Variants in SEZ6L observed in about 807,000 individuals in gnomAD.
The protein encoded by SEZ6L is seizure related 6 homolog like, also known as seizure 6-like protein.
SEZ6L carries 37 observed loss-of-function variants against 106.2 expected under a neutral mutation model. That is an observed-to-expected ratio of 0.35 (90% CI 0.27 to 0.46). SEZ6L has a LOEUF of 0.46. Ranked by LOEUF, SEZ6L falls within the 20% of genes least tolerant of loss-of-function variation. The pLI is 1.00. For synonymous variants in SEZ6L, 541 were observed against 570.4 expected (o/e 0.95, Z 0.73); for missense variants, 1,172 against 1,332.8 (o/e 0.88, Z 1.88).
At chr22:26,335,641 T>G (rs2082621891) in intron 9 of SEZ6L, among the ~76,000 whole-genome samples, 1 of 152,206 alleles carries the variant, frequency 6.6e-6, no homozygotes, top group African/African-American at 2.4e-5. Context: ...TAAGGAGACC[T>G]ATAGTTGGCT....
Position 26,361,343 on chromosome 22 carries a change from C to A in SEZ6L, c.2600-4029C>A, listed in dbSNP as rs10689163. On this transcript the variant is annotated intron_variant, in intron 12 of 16. Transcript: ENST00000248933. ...TGGAACCCCGTCTCTACTAAAAATA[C>A]AAAAACAAAAAAAATCAGCTAGGCT... Among the ~76,000 whole-genome samples the A allele has an allele frequency of 1.9e-3, 253 of 133,252 alleles. 1 individual carries two copies. The highest frequency in any genetic ancestry group is 3.0e-3 in the African/African-American group (110 of 36,776). 87.4% of individuals were successfully genotyped at this position (133,252 alleles called of 152,430 possible).
chr22:26,335,103 A>G (rs557599736), intron 9 of SEZ6L, among the ~76,000 whole-genome samples: 12 of 152,320 alleles, frequency 7.9e-5, no homozygotes, highest in African/African-American at 2.9e-4. Flanking sequence ...CAGGGATGCT[A>G]GATGCACTTG....
intron 1 of SEZ6L, among the ~76,000 whole-genome samples, chr22:26,188,381 C>G (rs1939945020): frequency 6.6e-6 from 1 of 152,350 alleles, no homozygotes; most frequent in South Asian, 2.1e-4. Flanking sequence ...CAAATCATCT[C>G]TGAGCCTCCA....
chr22:26,355,735 C>T (rs1296364740), intron 12 of SEZ6L, among the ~76,000 whole-genome samples: 1 of 150,764 alleles, frequency 6.6e-6, no homozygotes, highest in Admixed American at 6.6e-5. Context: ...GTCTCAACAA[C>T]ATAGAAACAG....
intron 1 of SEZ6L, among the ~76,000 whole-genome samples, chr22:26,248,528 G>A (rs903608725): frequency 2.6e-5 from 4 of 152,112 alleles, no homozygotes; most frequent in Non-Finnish European, 5.9e-5. Context: ...TTTGATTGTT[G>A]TAATGACCTC....
rs886321905 is a variant in SEZ6L at position 26,182,399 on chromosome 22, A to T, written c.94+12636A>T. ...CCCAGCTTTATCATTTACTGGCTGCATAACTTTGGCAAGATATTTGTGCTT... is the reference window on the plus strand; with the variant it reads ...CCCAGCTTTATCATTTACTGGCTGCTTAACTTTGGCAAGATATTTGTGCTT... On this transcript the variant is annotated intron_variant, in intron 1 of 16. Transcript: ENST00000248933. Among the ~76,000 whole-genome samples the T allele has an allele frequency of 3.9e-5, 6 of 152,212 alleles. No homozygotes were observed. The East Asian group carries it at 1.2e-3, about 29-fold the overall frequency.
intron 9 of SEZ6L, among the ~76,000 whole-genome samples, chr22:26,333,483 G>A (rs1203263676): frequency 6.6e-6 from 1 of 152,226 alleles, no homozygotes; most frequent in Non-Finnish European, 1.5e-5. Flanking sequence ...CCCTTCCCAA[G>A]GTTGGAGCAG....
chr22:26,316,922 A>AAAGT (rs1569460189), intron 9 of SEZ6L, among the ~76,000 whole-genome samples: 3 of 151,712 alleles, frequency 2.0e-5, no homozygotes, highest in Non-Finnish European at 4.4e-5. Context: ...AGAAAGAAAG[A>AAAGT]AAAAGAAAGA....
At chr22:26,177,536 C>T (rs544581754) in intron 1 of SEZ6L, among the ~76,000 whole-genome samples, 3 of 152,264 alleles carry the variant, frequency 2.0e-5, no homozygotes, top group African/African-American at 7.2e-5. Flanking sequence ...TCTGCCTTCT[C>T]TTAGGTCTCT....
intron 1 of SEZ6L, among the ~76,000 whole-genome samples, chr22:26,210,915 G>A (rs1322901808): frequency 1.3e-5 from 2 of 152,202 alleles, no homozygotes; most frequent in Admixed American, 1.3e-4. Flanking sequence ...TTGGCAACCT[G>A]GGACTCACCC....
intron 1 of SEZ6L, among the ~76,000 whole-genome samples, chr22:26,269,559 T>C (rs974672814): frequency 2.6e-5 from 4 of 152,224 alleles, no homozygotes; most frequent in African/African-American, 9.7e-5. Flanking sequence ...ATCCCAATCT[T>C]CGACGCACCA....
intron 9 of SEZ6L, among the ~76,000 whole-genome samples, chr22:26,317,081 A>G (rs1166820029): frequency 1.3e-5 from 2 of 152,012 alleles, no homozygotes; most frequent in Non-Finnish European, 2.9e-5. Context: ...AATGACATAA[A>G]GTTTAATGTG....
At chr22:26,189,076 A>G (rs1012839394) in intron 1 of SEZ6L, among the ~76,000 whole-genome samples, 1 of 152,232 alleles carries the variant, frequency 6.6e-6, no homozygotes, top group African/African-American at 2.4e-5. Context: ...TATAAGTCAT[A>G]GTTTATAAAT....
intron 1 of SEZ6L, among the ~76,000 whole-genome samples, chr22:26,275,172 C>T (rs2080503184): frequency 6.6e-6 from 1 of 152,208 alleles, no homozygotes; most frequent in Non-Finnish European, 1.5e-5. Context: ...CAGATGGTCC[C>T]CAACTTACGA....
At chr22:26,209,347 A>T (rs7284117) in intron 1 of SEZ6L, among the ~76,000 whole-genome samples, 17,771 of 152,140 alleles carry the variant, frequency 0.12, 1,225 homozygotes, top group African/African-American at 0.19. Flanking sequence ...TATTGTAGAA[A>T]CTTTAGATTT....
intron 9 of SEZ6L, among the ~76,000 whole-genome samples, chr22:26,333,046 C>A (rs1220186713): frequency 6.6e-6 from 1 of 152,252 alleles, no homozygotes; most frequent in Non-Finnish European, 1.5e-5. Flanking sequence ...CTGTGAAATG[C>A]TTTCCCATTC....
chr22:26,198,479 T>C (rs1226833878), intron 1 of SEZ6L, among the ~76,000 whole-genome samples: 1 of 152,242 alleles, frequency 6.6e-6, no homozygotes, highest in African/African-American at 2.4e-5. Context: ...AAGCATAAAA[T>C]AAAACCAGGA....
chr22:26,266,574 A>AAAATAAAT (rs55949237), intron 1 of SEZ6L, among the ~76,000 whole-genome samples: 3 of 144,598 alleles, frequency 2.1e-5, no homozygotes, highest in East Asian at 2.1e-4. Context: ...CTCCGTCTCA[A>AAAATAAAT]AAATAAATAA....
At chr22:26,379,965 A>G (rs1000727436) in intron 16 of SEZ6L, among the ~76,000 whole-genome samples, 1 of 152,184 alleles carries the variant, frequency 6.6e-6, no homozygotes, top group Non-Finnish European at 1.5e-5. Context: ...TGGGTGACTC[A>G]GCTCTGCTCT....
Sources: gnomAD v4.1 joint callset for allele counts (sites outside exome capture counted in the v4.1 genomes callset) on GRCh38, gnomAD v4.1.1 for gene constraint, MANE v1.5 for transcripts, NCBI Gene and HGNC (gene_info 2026-07-23, HGNC 2026-07-21) for gene names.